The following MTUS2 variants were observed in gnomAD, a reference collection of about 807,000 sequenced individuals.
The protein encoded by MTUS2 is microtubule-associated tumor suppressor candidate 2.
A neutral mutation model predicts 114.1 loss-of-function variants in MTUS2; 40 were observed. That is an observed-to-expected ratio of 0.35 (90% CI 0.27 to 0.46). The LOEUF is 0.46. Ranked by LOEUF, MTUS2 falls within the 20% of genes least tolerant of loss-of-function variation. The pLI, the probability that MTUS2 is intolerant of heterozygous loss-of-function variation, is 1.00. For synonymous variants in MTUS2, 688 were observed against 672.0 expected, an observed-to-expected ratio of 1.02 and a Z score of -0.37; for missense variants, 1,679 against 1,705.4, an observed-to-expected ratio of 0.98 and a Z score of 0.27.
At chr13:29,217,775 T>C (rs2139308641) in intron 5 of MTUS2, among the ~76,000 whole-genome samples, 2 of 152,368 alleles carry the variant, frequency 1.3e-5, no homozygotes, top group Middle Eastern at 6.8e-3. Context: ...CTGCTGCTGC[T>C]ATATCAACCA....
At chr13:29,190,054 AG>A (rs1894384426) in intron 5 of MTUS2, among the ~76,000 whole-genome samples, 1 of 152,176 alleles carries the variant, frequency 6.6e-6, no homozygotes, top group Non-Finnish European at 1.5e-5. Context: ...TGCCAGCATG[AG>A]GGCCCTCACT....
At chr13:28,892,643 A>C (rs1244642475) in intron 2 of MTUS2, among the ~76,000 whole-genome samples, 1 of 152,038 alleles carries the variant, frequency 6.6e-6, no homozygotes, top group East Asian at 1.9e-4. Flanking sequence ...GGTTATCTGG[A>C]TTGGGCATTT....
At chr13:29,256,403 A>T (rs933670703) in intron 5 of MTUS2, among the ~76,000 whole-genome samples, 10 of 152,196 alleles carry the variant, frequency 6.6e-5, no homozygotes, top group African/African-American at 2.4e-4. Context: ...CAAGCCCTGT[A>T]AGACGAGGTC....
chr13:29,318,404 A>ATTCTT (rs1450722025), intron 6 of MTUS2, among the ~76,000 whole-genome samples: 2 of 68,812 alleles, frequency 2.9e-5, no homozygotes, highest in Non-Finnish European at 5.7e-5. Flanking sequence ...TTTTTTTTTG[A>ATTCTT]GATGACAGCC....
chr13:29,265,653 A>G (rs756369030), intron 5 of MTUS2, among the ~76,000 whole-genome samples: 2 of 152,186 alleles, frequency 1.3e-5, no homozygotes, highest in Non-Finnish European at 2.9e-5. Flanking sequence ...GCTTCTGGAG[A>G]GGCTTCAAGG....
At chr13:28,937,628 G>A (rs775747532) in intron 2 of MTUS2, among the ~76,000 whole-genome samples, 6 of 152,162 alleles carry the variant, frequency 3.9e-5, no homozygotes, top group Non-Finnish European at 8.8e-5. Context: ...CCGCCTGATG[G>A]ACTTCCTAGC....
intron 5 of MTUS2, among the ~76,000 whole-genome samples, chr13:29,222,890 C>T (rs1895962142): frequency 1.3e-5 from 2 of 152,242 alleles, no homozygotes; most frequent in Non-Finnish European, 2.9e-5. Context: ...TAGGTGTGCA[C>T]ACACTCAGGA....
At chr13:28,934,939 A>G (rs963069294) in intron 2 of MTUS2, among the ~76,000 whole-genome samples, 4 of 148,074 alleles carry the variant, frequency 2.7e-5, no homozygotes, top group Non-Finnish European at 6.0e-5. Flanking sequence ...CCAGCACCCC[A>G]GCAGCTCCCT....
chr13:29,034,515 G>T (rs536964220), intron 4 of MTUS2, among the ~76,000 whole-genome samples: 146 of 152,306 alleles, frequency 9.6e-4, no homozygotes, highest in African/African-American at 3.4e-3. Flanking sequence ...CAGAGAGAAG[G>T]TAGAGCCAAA....
intron 1 of MTUS2, among the ~76,000 whole-genome samples, chr13:28,838,801 T>C (rs552525330): frequency 1.3e-5 from 2 of 152,292 alleles, no homozygotes; most frequent in South Asian, 4.1e-4. Flanking sequence ...GAAGAAAGAA[T>C]TGAAAAGATA....
At position 29,503,119 on chromosome 13, in the gene MTUS2, G is replaced by A; in HGVS notation, c.4023G>A (p.Pro1341=). The change falls in exon 16 of 16, where the codon CCG becomes CCA. Residue 1341 remains proline (P), a synonymous_variant. Coordinates refer to ENST00000612955, the MANE Select transcript of MTUS2 (RefSeq NM_001033602.4). ...TCCAAACTGGGGACCCGACCAGTCC[G>A]ATTAAACTCTCGCCCACATCTCCCG... ...WKLQTGDPTS[P]IKLSPTSPVY... 8 of 1,614,214 alleles carry A rather than the reference G, an allele frequency of 5.0e-6. No homozygotes were observed. Among genetic ancestry groups the A allele is most frequent in the Middle Eastern group, 1.6e-4 (1 of 6,062 alleles).
At chr13:29,387,544 A>G (rs538235511) in intron 8 of MTUS2, among the ~76,000 whole-genome samples, 12 of 152,288 alleles carry the variant, frequency 7.9e-5, no homozygotes, top group African/African-American at 2.6e-4. Flanking sequence ...TCACTCTTGT[A>G]CAGAACAAAC....
At chr13:29,149,938 G>T (rs1447949181) in intron 5 of MTUS2, among the ~76,000 whole-genome samples, 1 of 152,150 alleles carries the variant, frequency 6.6e-6, no homozygotes, top group Non-Finnish European at 1.5e-5. Flanking sequence ...ATAGTTTGAA[G>T]TTGGGTAGTG....
intron 2 of MTUS2, among the ~76,000 whole-genome samples, chr13:28,936,260 C>CT (rs1054605952): frequency 6.6e-6 from 1 of 152,208 alleles, no homozygotes; most frequent in African/African-American, 2.4e-5. Flanking sequence ...CCCCCTACCC[C>CT]TGCACCCTAA....
chr13:29,471,660 G>A (rs890340209), intron 9 of MTUS2, among the ~76,000 whole-genome samples: 2 of 151,926 alleles, frequency 1.3e-5, no homozygotes, highest in African/African-American at 4.8e-5. Flanking sequence ...TACCACACGG[G>A]TGCATCATGG....
At chr13:28,825,104 C>G (rs1464366224) in intron 1 of MTUS2, among the ~76,000 whole-genome samples, 2 of 152,200 alleles carry the variant, frequency 1.3e-5, no homozygotes. Flanking sequence ...CCCCATCCCC[C>G]ACTCCAGCCA....
At chr13:29,044,338 G>A (rs1887513973) in intron 4 of MTUS2, among the ~76,000 whole-genome samples, 1 of 151,852 alleles carries the variant, frequency 6.6e-6, no homozygotes, top group South Asian at 2.1e-4. Flanking sequence ...ATAGTGTGTC[G>A]GTTTTCTCTG....
intron 5 of MTUS2, among the ~76,000 whole-genome samples, chr13:29,129,728 G>C (rs1269016024): frequency 6.6e-6 from 1 of 152,138 alleles, no homozygotes; most frequent in Non-Finnish European, 1.5e-5. Context: ...GTCATGGCTG[G>C]TGAGGAACTG....
At chr13:29,317,160 A>G (rs944783546) in intron 6 of MTUS2, among the ~76,000 whole-genome samples, 11 of 152,214 alleles carry the variant, frequency 7.2e-5, no homozygotes, top group Admixed American at 1.3e-4. Context: ...ATTTGAATAC[A>G]GAAACCTCCC....
Sources: allele counts gnomAD v4.1 joint callset (sites outside exome capture counted in the v4.1 genomes callset), GRCh38; gene constraint gnomAD v4.1.1; transcripts MANE v1.5; gene names NCBI Gene and HGNC (gene_info 2026-07-23, HGNC 2026-07-21).